Variants in DLC1 observed in about 807,000 individuals in gnomAD.
DLC1 encodes rho GTPase-activating protein 7.
A neutral mutation model predicts 140.3 loss-of-function variants in DLC1; 54 were observed. That is an observed-to-expected ratio of 0.38 (90% CI 0.31 to 0.48). DLC1 has a LOEUF of 0.48. DLC1 is among the 20% of genes least tolerant of loss of function. The pLI, the probability that DLC1 is intolerant of heterozygous loss-of-function variation, is 0.96. For missense variants in DLC1, 2,536 were observed against 1,907.0 expected (o/e 1.33, Z -6.14); for synonymous variants, 986 against 728.1 (o/e 1.35, Z -5.70).
chr8:13,432,863 C>A (rs1028101437), intron 2 of DLC1, among the ~76,000 whole-genome samples: 1 of 151,106 alleles, frequency 6.6e-6, no homozygotes, highest in Non-Finnish European at 1.5e-5. Context: ...AAGGGAAACA[C>A]TTTCAAGAGT....
intron 7 of DLC1, among the ~76,000 whole-genome samples, chr8:13,110,051 T>C (rs568297406): frequency 6.6e-6 from 1 of 152,238 alleles, no homozygotes; most frequent in East Asian, 1.9e-4. Flanking sequence ...TTGAGAAAAA[T>C]TAGAAAGGAT....
In DLC1 at chr8:13,499,625, C is replaced by G. The variant is rs761592589; in HGVS notation, c.447G>C (p.Lys149Asn). Residue 149 changes from lysine (K) to asparagine (N), a missense_variant, in exon 2 of 18, where the codon AAG becomes AAC. Lys to Asn is a moderately conservative substitution (Grantham distance 94, BLOSUM62 0). Transcript: ENST00000276297. ...GGTTACTTTGTATGATGGGCAGTGC[C>G]TTTTCTAAGGAGCCTGCTCCTTGGA... ...HMIQGAGSLE[K>N]ALPIIQSNQV... 1.2e-6 allele frequency: 2 copies of G among 1,614,118 alleles called. No individual in the cohort carries two copies. Among genetic ancestry groups the G allele is most frequent in the Admixed American group, 1.7e-5 (1 of 59,998 alleles).
At chr8:13,184,535 TC>T in intron 5 of DLC1, among the ~76,000 whole-genome samples, 1 of 152,232 alleles carries the variant, frequency 6.6e-6, no homozygotes, top group East Asian at 1.9e-4. Context: ...CATCTTTATT[TC>T]TGCCTTCATT....
chr8:13,180,254 T>C (rs577015555), intron 5 of DLC1, among the ~76,000 whole-genome samples: 8 of 152,326 alleles, frequency 5.3e-5, no homozygotes, highest in Admixed American at 2.0e-4. Flanking sequence ...AAGCATTTAC[T>C]CCATTACTTA....
At chr8:13,444,810 ATTT>A (rs1217620700) in intron 2 of DLC1, among the ~76,000 whole-genome samples, 1 of 152,180 alleles carries the variant, frequency 6.6e-6, no homozygotes, top group Non-Finnish European at 1.5e-5. Flanking sequence ...GTTCAAGGAA[ATTT>A]TTTATGCAAT....
At position 13,100,372 on chromosome 8, in the gene DLC1, G is replaced by A. The variant is rs575649250; in HGVS notation, c.1965C>T (p.Gly655=). 50 of 1,614,166 alleles carry A rather than the reference G, an allele frequency of 3.1e-5. No homozygotes were observed. In the East Asian group the frequency reaches 6.0e-4, roughly 19 times the overall value. The change falls in exon 9 of 18, where the codon GGC becomes GGT. Residue 655 remains glycine (G), a synonymous_variant. Coordinates refer to ENST00000276297, the MANE Select transcript of DLC1 (RefSeq NM_182643.3). ...TCTTGGACTTGGCAGTTTTTTCGTG[G>A]CCTTTCATGCTGAAGCTGAAGCTGG... ...ELSSFSFSMK[G]HEKTAKSKTR...
rs142493054 is a variant in DLC1, at chr8:13,153,437, C to T, written c.1349-37780G>A. ...ACGCAGTGTGGACCCAAAGAGCGAG[C>T]AGCAGCAAGATTTAATGCAGAAACT... On this transcript the variant is annotated intron_variant, in intron 5 of 17. Coordinates refer to ENST00000276297, the MANE Select transcript of DLC1 (RefSeq NM_182643.3). Among the ~76,000 whole-genome samples the T allele has an allele frequency of 2.0e-3, 300 of 152,332 alleles. 6 individuals are homozygous for T. The highest frequency in any genetic ancestry group is 0.018 in the Admixed American group (279 of 15,308).
intron 1 of DLC1, chr8:13,567,510 G>T: frequency 2.1e-5 from 32 of 1,552,002 alleles, no homozygotes; most frequent in Non-Finnish European, 2.7e-5. Flanking sequence ...ATGAACTTTT[G>T]AACAGAATCT....
At chr8:13,423,164 G>T (rs1838394773) in intron 2 of DLC1, among the ~76,000 whole-genome samples, 1 of 152,146 alleles carries the variant, frequency 6.6e-6, no homozygotes, top group African/African-American at 2.4e-5. Context: ...AGTTTGGCAT[G>T]CATGTCTTTC....
intron 2 of DLC1, among the ~76,000 whole-genome samples, chr8:13,452,663 G>A (rs1799122208): frequency 6.6e-6 from 1 of 152,038 alleles, no homozygotes; most frequent in South Asian, 2.1e-4. Context: ...GTTTTTGCTG[G>A]TACCTCACAT....
intron 4 of DLC1, among the ~76,000 whole-genome samples, chr8:13,317,491 G>C (rs1338768800): frequency 6.6e-6 from 1 of 152,128 alleles, no homozygotes; most frequent in East Asian, 1.9e-4. Context: ...ATCAAAAGCT[G>C]GGTAGAAGAT....
At chr8:13,482,450 G>T (rs1251226079) in intron 2 of DLC1, among the ~76,000 whole-genome samples, 2 of 152,156 alleles carry the variant, frequency 1.3e-5, no homozygotes, top group African/African-American at 4.8e-5. Context: ...AATGCTGTCT[G>T]ACTAGAAGTG....
intron 1 of DLC1, among the ~76,000 whole-genome samples, chr8:13,526,295 G>C (rs982101904): frequency 2.0e-5 from 3 of 152,002 alleles, no homozygotes; most frequent in Non-Finnish European, 2.9e-5. Context: ...GGATAATCTA[G>C]GGCCATTGTA....
At chr8:13,586,630 C>T (rs999968528) in intron 1 of DLC1, among the ~76,000 whole-genome samples, 1 of 146,880 alleles carries the variant, frequency 6.8e-6, no homozygotes, top group African/African-American at 2.5e-5. Flanking sequence ...CACACACCTG[C>T]ATGTAAAATG....
intron 1 of DLC1, among the ~76,000 whole-genome samples, chr8:13,551,862 G>A (rs1803865433): frequency 8.1e-6 from 1 of 123,956 alleles, no homozygotes; most frequent in South Asian, 2.6e-4. Context: ...CTAGACAAGT[G>A]TGTGTATATA....
At chr8:13,417,226 T>C (rs1211190573) in intron 2 of DLC1, among the ~76,000 whole-genome samples, 1 of 152,126 alleles carries the variant, frequency 6.6e-6, no homozygotes, top group African/African-American at 2.4e-5. Context: ...ATTATTATTA[T>C]ACTTTAAGTT....
chr8:13,494,766 C>G (rs1289872708), intron 2 of DLC1, among the ~76,000 whole-genome samples: 3 of 152,088 alleles, frequency 2.0e-5, no homozygotes, highest in African/African-American at 7.2e-5. Context: ...GGCTGGCCAA[C>G]ATGGCGAAAC....
chr8:13,459,588 A>C (rs1405124048), intron 2 of DLC1, among the ~76,000 whole-genome samples: 2 of 152,120 alleles, frequency 1.3e-5, no homozygotes, highest in African/African-American at 4.8e-5. Flanking sequence ...AGGGGCTGGG[A>C]GTGCACAGTG....
intron 11 of DLC1, 57 bp from the exon 12 acceptor site, chr8:13,095,014 C>G (rs1471708822): frequency 6.2e-7 from 1 of 1,613,618 alleles, no homozygotes; most frequent in African/African-American, 1.3e-5. Flanking sequence ...AGTGTTTACA[C>G]CACACAACTA....
Sources: allele counts gnomAD v4.1 joint callset (sites outside exome capture counted in the v4.1 genomes callset), GRCh38; gene constraint gnomAD v4.1.1; transcripts MANE v1.5; gene names NCBI Gene and HGNC (gene_info 2026-07-23, HGNC 2026-07-21).